The following CD163L1 variants were observed in gnomAD, a reference collection of about 807,000 sequenced individuals.
The protein encoded by CD163L1 is CD163 molecule like 1.
A neutral mutation model predicts 165.4 loss-of-function variants in CD163L1; 124 were observed. The ratio of observed to expected loss-of-function variants is 0.75; its 90% CI spans 0.65 to 0.87. CD163L1 has a LOEUF of 0.87. Ranked by LOEUF, CD163L1 falls within the 40% of genes least tolerant of loss-of-function variation. The pLI is 0.00. For missense variants in CD163L1, 1,525 were observed against 1,799.9 expected (o/e 0.85, Z 2.76); for synonymous variants, 585 against 662.2 (o/e 0.88, Z 1.79).
chr12:7,412,910 G>A (rs762991580), intron 4 of CD163L1, among the ~76,000 whole-genome samples: 4 of 151,544 alleles, frequency 2.6e-5, no homozygotes, highest in Admixed American at 6.6e-5. Flanking sequence ...GCCTGGCCAA[G>A]ATGGTGAAAC....
the CD163L1 span, among the ~76,000 whole-genome samples, chr12:7,338,874 G>A: frequency 6.6e-6 from 1 of 152,256 alleles, no homozygotes; most frequent in South Asian, 2.1e-4. Context: ...ACATCCTAAT[G>A]GTGGTGGTTG....
the CD163L1 span, among the ~76,000 whole-genome samples, chr12:7,331,514 C>A: frequency 1.3e-5 from 2 of 152,212 alleles, no homozygotes; most frequent in African/African-American, 2.4e-5. Flanking sequence ...CCTGAGTAGC[C>A]TAACTGGGAG....
chr12:7,441,107 A>G (rs1276336637), intron 2 of CD163L1, 47 bp downstream of exon 2: 1 of 1,319,784 alleles, frequency 7.6e-7, no homozygotes, highest in Non-Finnish European at 1.1e-6. Flanking sequence ...GGGGAAAGGT[A>G]GAATAGAGGA....
the CD163L1 span, among the ~76,000 whole-genome samples, chr12:7,332,731 G>A: frequency 6.6e-6 from 1 of 152,192 alleles, no homozygotes; most frequent in Non-Finnish European, 1.5e-5. Context: ...ACAAGCAAGT[G>A]CTGAGAGATT....
At chr12:7,325,737 C>T in the CD163L1 span, among the ~76,000 whole-genome samples, 9 of 152,128 alleles carry the variant, frequency 5.9e-5, no homozygotes, top group African/African-American at 2.2e-4. Flanking sequence ...GGAACTCTGG[C>T]AATGACAATA....
chr12:7,411,594 C>T (rs78915410), intron 4 of CD163L1, among the ~76,000 whole-genome samples: 1,859 of 152,120 alleles, frequency 0.012, 20 homozygotes, highest in Non-Finnish European at 0.019. Flanking sequence ...TGCTGACTTC[C>T]CCTTGGCCTT....
intron 6 of CD163L1, among the ~76,000 whole-genome samples, chr12:7,402,434 A>G (rs1462643060): frequency 6.6e-6 from 1 of 151,926 alleles, no homozygotes; most frequent in Non-Finnish European, 1.5e-5. Context: ...TCTATCATCT[A>G]TCAGGCTTTT....
chr12:7,322,615 A>T, the CD163L1 span: 1 of 1,516,364 alleles, frequency 6.6e-7, no homozygotes, highest in Non-Finnish European at 8.8e-7. Context: ...TGAGCCCCTG[A>T]AGTGCCCCCA....
the CD163L1 span, among the ~76,000 whole-genome samples, chr12:7,340,934 C>T: frequency 6.6e-6 from 1 of 152,178 alleles, no homozygotes; most frequent in African/African-American, 2.4e-5. Flanking sequence ...TTCACTGATG[C>T]ATACAAATTA....
chr12:7,375,465 T>C lies in CD163L1; in HGVS notation c.2817A>G (p.Arg939=). 2 of 1,614,192 alleles carry C rather than the reference T, an allele frequency of 1.2e-6. No homozygotes were observed. The highest frequency in any genetic ancestry group is 1.7e-6 in the Non-Finnish European group (2 of 1,180,016). Reference sequence around the variant, plus strand: ...AGAGAGCAGTCCCACAGCTGAGCTGTCTGCATAGAACACGGGCATCTTCTG... The same window carrying C: ...AGAGAGCAGTCCCACAGCTGAGCTGCCTGCATAGAACACGGGCATCTTCTG... The part of the protein sequence containing the change: ...WDPEDARVLC[R]QLSCGTALST... Residue 939 remains arginine (R), a synonymous_variant, in exon 11 of 20, where the codon AGA becomes AGG. Coordinates refer to ENST00000313599, the MANE Select transcript of CD163L1 (RefSeq NM_174941.6).
At position 7,369,012 on chromosome 12, in the gene CD163L1, C is replaced by G. The variant is rs148052421; in HGVS notation, c.4040-47G>C. ...AGAGACGTAAATGAACGAAAAGGAA[C>G]TGGGTATTTCTTTTTACATCTCCTG... On this transcript the variant is annotated intron_variant, in intron 15 of 19. Transcript: ENST00000313599. This position sits in a 1 kb window ranked among gnomAD's most constrained non-coding sequence, Gnocchi z 4.9. 10,273 of 1,587,962 alleles carry G rather than the reference C, an allele frequency of 6.5e-3. 50 individuals carry two copies. Among genetic ancestry groups the G allele is most frequent in the Non-Finnish European group, 7.9e-3 (9,205 of 1,160,194 alleles).
At chr12:7,327,669 AG>A in the CD163L1 span, among the ~76,000 whole-genome samples, 2 of 152,188 alleles carry the variant, frequency 1.3e-5, no homozygotes. Context: ...ATTTCTGTTT[AG>A]CACTGTTTCA....
intron 2 of CD163L1, among the ~76,000 whole-genome samples, chr12:7,434,703 A>C (rs746981392): frequency 1.4e-5 from 2 of 147,786 alleles, no homozygotes; most frequent in East Asian, 2.0e-4. Context: ...AGGAAGAGAC[A>C]GAAAGAGAGA....
chr12:7,421,650 T>TGC, intron 4 of CD163L1, among the ~76,000 whole-genome samples: 1 of 135,412 alleles, frequency 7.4e-6, no homozygotes, highest in African/African-American at 2.7e-5. Flanking sequence ...CACATATACA[T>TGC]ATATGTACAT....
the CD163L1 span, chr12:7,326,947 A>G: frequency 2.6e-6 from 4 of 1,567,110 alleles, no homozygotes; most frequent in Non-Finnish European, 3.5e-6. Context: ...AAAACAAATG[A>G]GCAAGATAAA....
Position 7,398,233 on chromosome 12 carries a change from T to C in CD163L1, c.1729+31A>G. On this transcript the variant is annotated intron_variant, in intron 7 of 19. Coordinates refer to ENST00000313599, the MANE Select transcript of CD163L1 (RefSeq NM_174941.6). The surrounding 1 kb of genome is among the most constrained non-coding windows in gnomAD (Gnocchi z 4.5). ...CCTATGAGGAATACTATTTCTCTTA[T>C]CAGGAAATAATAAACAAGAACAAGT... 1 of 1,570,980 alleles carries C rather than the reference T, an allele frequency of 6.4e-7. No homozygotes were observed. The highest frequency in any genetic ancestry group is 8.7e-7 in the Non-Finnish European group (1 of 1,151,346).
intron 4 of CD163L1, among the ~76,000 whole-genome samples, chr12:7,423,399 C>G (rs1948476645): frequency 2.0e-5 from 3 of 151,942 alleles, no homozygotes; most frequent in Non-Finnish European, 2.9e-5. Context: ...AATTGACACC[C>G]TAACATCACA....
intron 4 of CD163L1, among the ~76,000 whole-genome samples, chr12:7,416,623 A>G (rs1003802381): frequency 2.0e-5 from 3 of 152,124 alleles, no homozygotes; most frequent in African/African-American, 7.2e-5. Flanking sequence ...TTCCAGTTTC[A>G]GTTTTCTGCA....
At chr12:7,416,916 C>T (rs1948253741) in intron 4 of CD163L1, among the ~76,000 whole-genome samples, 1 of 152,062 alleles carries the variant, frequency 6.6e-6, no homozygotes, top group Non-Finnish European at 1.5e-5. Context: ...TTTTTGGTTC[C>T]ATATGCAATA....
Sources: allele counts gnomAD v4.1 joint callset (sites outside exome capture counted in the v4.1 genomes callset), GRCh38; gene constraint gnomAD v4.1.1; non-coding constraint Gnocchi (gnomAD v3.1); transcripts MANE v1.5; gene names NCBI Gene and HGNC (gene_info 2026-07-23, HGNC 2026-07-21).